The following MAMDC2 variants were observed in gnomAD, a reference collection of about 807,000 sequenced individuals.
MAMDC2 encodes the protein MAM domain containing 2, also known as MAM domain-containing protein 2.
A neutral mutation model predicts 89.8 loss-of-function variants in MAMDC2; 57 were observed. The ratio of observed to expected loss-of-function variants is 0.63; its 90% CI spans 0.51 to 0.79. The LOEUF is 0.79. Ranked by LOEUF, MAMDC2 falls within the 30% of genes least tolerant of loss-of-function variation. MAMDC2 has a pLI of 0.00. For missense variants in MAMDC2, 800 were observed against 820.6 expected (o/e 0.97, Z 0.31); for synonymous variants, 313 against 293.4 (o/e 1.07, Z -0.68).
chr9:70,044,295 C>T, intron 1 of MAMDC2, 64 bp downstream of exon 1: 1 of 1,551,472 alleles, frequency 6.4e-7, no homozygotes, highest in Non-Finnish European at 8.8e-7. Flanking sequence ...CTCCTGCTGC[C>T]CCCGGGGGTC....
At chr9:70,210,768 C>T (rs2118664247) in intron 11 of MAMDC2, among the ~76,000 whole-genome samples, 1 of 149,464 alleles carries the variant, frequency 6.7e-6, no homozygotes, top group Non-Finnish European at 1.5e-5. Flanking sequence ...GTGGCTGGTA[C>T]CGGTTGTTCC....
chr9:70,215,951 A>C (rs1564003106), intron 11 of MAMDC2, among the ~76,000 whole-genome samples: 1 of 152,322 alleles, frequency 6.6e-6, no homozygotes, highest in East Asian at 1.9e-4. Flanking sequence ...GAATGGAGAA[A>C]GGCCTCCCAG....
chr9:70,061,498 A>G (rs375094789), intron 2 of MAMDC2, among the ~76,000 whole-genome samples: 2 of 152,174 alleles, frequency 1.3e-5, no homozygotes, highest in South Asian at 2.1e-4. Flanking sequence ...GTTGGCATCC[A>G]TATCTCTTCC....
intron 2 of MAMDC2, among the ~76,000 whole-genome samples, chr9:70,048,513 G>A (rs1826811278): frequency 6.6e-6 from 1 of 152,142 alleles, no homozygotes; most frequent in African/African-American, 2.4e-5. Flanking sequence ...TGGCCAGGCT[G>A]GTCTTGAACT....
At chr9:70,206,019 T>C (rs1032815703) in intron 11 of MAMDC2, among the ~76,000 whole-genome samples, 1 of 152,226 alleles carries the variant, frequency 6.6e-6, no homozygotes, top group African/African-American at 2.4e-5. Flanking sequence ...AATGACTGGT[T>C]TGTGCATCAA....
At chr9:70,131,736 T>A (rs2030813611) in intron 7 of MAMDC2, 124 bp downstream of exon 7, 4 of 738,056 alleles carry the variant, frequency 5.4e-6, no homozygotes, top group African/African-American at 3.7e-5. Flanking sequence ...CCTTAAAAAA[T>A]TATTTAATCA....
intron 9 of MAMDC2, among the ~76,000 whole-genome samples, chr9:70,151,766 A>G (rs1210501002): frequency 6.6e-6 from 1 of 152,036 alleles, no homozygotes; most frequent in Admixed American, 6.6e-5. Flanking sequence ...GAAGTAAAGT[A>G]TTTCTTTTCA....
At chr9:70,170,730 G>C in intron 11 of MAMDC2, 99 bp downstream of exon 11, 1 of 1,188,560 alleles carries the variant, frequency 8.4e-7, no homozygotes. Flanking sequence ...ATTATGTCTT[G>C]TGTCTATAAT....
intron 2 of MAMDC2, among the ~76,000 whole-genome samples, chr9:70,066,915 T>C (rs1827279846): frequency 6.6e-6 from 1 of 152,208 alleles, no homozygotes; most frequent in African/African-American, 2.4e-5. Context: ...AGTTCATCAA[T>C]ATCTGGGACC....
chr9:70,146,408 A>C (rs2118429353), intron 9 of MAMDC2, among the ~76,000 whole-genome samples: 1 of 152,348 alleles, frequency 6.6e-6, no homozygotes, highest in South Asian at 2.1e-4. Flanking sequence ...TACATGTCTC[A>C]AAGTGGCCCT....
In MAMDC2 at chr9:70,150,857, G is replaced by C. The variant is rs556744055; in HGVS notation, c.1404+7038G>C. 2.0e-5 allele frequency among the ~76,000 whole-genome samples: 3 copies of C among 152,296 alleles called. No homozygotes were observed. The East Asian group carries it at 5.8e-4, about 29-fold the overall frequency. On this transcript the variant is annotated intron_variant, in intron 9 of 13. Coordinates refer to ENST00000377182, the MANE Select transcript of MAMDC2 (RefSeq NM_153267.5). The stretch of plus-strand genomic sequence containing the variant: ...TCTCTATACTCCAGAGAGAGACAGA[G>C]AGACGCAGCAGCCAGAATCATTTCT...
intron 2 of MAMDC2, among the ~76,000 whole-genome samples, chr9:70,084,690 G>A (rs1395457040): frequency 6.6e-6 from 1 of 152,100 alleles, no homozygotes; most frequent in African/African-American, 2.4e-5. Context: ...CATTTGGAAT[G>A]AGCTTGGCTT....
chr9:70,069,397 C>T (rs1469637741), intron 2 of MAMDC2, among the ~76,000 whole-genome samples: 3 of 152,182 alleles, frequency 2.0e-5, no homozygotes, highest in Non-Finnish European at 4.4e-5. Flanking sequence ...TCTCCACCTG[C>T]TTTGTTGGCT....
chr9:70,161,264 C>A (rs950277732), intron 9 of MAMDC2, among the ~76,000 whole-genome samples: 1 of 152,178 alleles, frequency 6.6e-6, no homozygotes, highest in Non-Finnish European at 1.5e-5. Context: ...GGCCTGTATT[C>A]TATCACAGTG....
chr9:70,079,613 A>T (rs1240602985), intron 2 of MAMDC2, among the ~76,000 whole-genome samples: 1 of 152,142 alleles, frequency 6.6e-6, no homozygotes, highest in Non-Finnish European at 1.5e-5. Context: ...TGAGCACTGG[A>T]CTAATTGCTT....
intron 2 of MAMDC2, among the ~76,000 whole-genome samples, chr9:70,070,932 G>A (rs60685936): frequency 5.9e-4 from 90 of 152,136 alleles, no homozygotes; most frequent in Admixed American, 1.6e-3. Flanking sequence ...AAATAGTGTT[G>A]CTATTTGCAA....
intron 11 of MAMDC2, among the ~76,000 whole-genome samples, chr9:70,183,041 C>G (rs2032678465): frequency 6.6e-6 from 1 of 152,102 alleles, no homozygotes; most frequent in Non-Finnish European, 1.5e-5. Context: ...GATTCTGGTA[C>G]ATTGTGTCTT....
At chr9:70,169,165 A>G (rs2032257148) in intron 10 of MAMDC2, among the ~76,000 whole-genome samples, 1 of 152,228 alleles carries the variant, frequency 6.6e-6, no homozygotes, top group South Asian at 2.1e-4. Flanking sequence ...TTCAAGCAAT[A>G]TTAATGAAAT....
chr9:70,212,469 T>C (rs1414721525), intron 11 of MAMDC2, among the ~76,000 whole-genome samples: 1 of 152,208 alleles, frequency 6.6e-6, no homozygotes, highest in Non-Finnish European at 1.5e-5. Context: ...TTGCTAAGAC[T>C]GTTGGAAAAG....
Sources: gnomAD v4.1 joint callset for allele counts (sites outside exome capture counted in the v4.1 genomes callset) on GRCh38, gnomAD v4.1.1 for gene constraint, MANE v1.5 for transcripts, NCBI Gene and HGNC (gene_info 2026-07-23, HGNC 2026-07-21) for gene names.